The following ITSN1 variants were observed in gnomAD, a reference collection of about 807,000 sequenced individuals.
ITSN1 encodes intersectin 1, also known as intersectin-1.
Under a neutral mutation model 239.8 loss-of-function variants are expected in ITSN1, and 58 were observed. The observed-to-expected ratio is 0.24, with a 90% CI of 0.20 to 0.30. ITSN1 has a LOEUF of 0.30. ITSN1 is among the 10% of genes least tolerant of loss of function. ITSN1 has a pLI of 1.00. For synonymous variants in ITSN1, 780 were observed against 770.8 expected, an observed-to-expected ratio of 1.01 and a Z score of -0.20; for missense variants, 1,558 against 2,103.3, an observed-to-expected ratio of 0.74 and a Z score of 5.07.
At chr21:33,713,590 A>G (rs1188956309) in intron 1 of ITSN1, among the ~76,000 whole-genome samples, 1 of 152,098 alleles carries the variant, frequency 6.6e-6, no homozygotes, top group Non-Finnish European at 1.5e-5. Context: ...AAATTGTAGT[A>G]ATTCATACAG....
chr21:33,682,774 G>C (rs565068290), intron 1 of ITSN1, among the ~76,000 whole-genome samples: 1 of 151,974 alleles, frequency 6.6e-6, no homozygotes, highest in Non-Finnish European at 1.5e-5. Context: ...CACTCACCTC[G>C]GCTGCCCAAA....
In ITSN1 at chr21:33,865,508, C is replaced by T. The variant is rs1046828497; in HGVS notation, c.4074+174C>T. 1.3e-5 allele frequency among the ~76,000 whole-genome samples: 2 copies of T among 152,166 alleles called. No individual in the cohort carries two copies. The highest frequency in any genetic ancestry group is 4.8e-5 in the African/African-American group (2 of 41,430). ...CACTCACTGGCAAGTGTGGCTGTCA[C>T]CAAAGGGGTGGGCTTGGAGAGGAGG... On this transcript the variant is annotated intron_variant, in intron 32 of 39. Coordinates refer to ENST00000381318, the MANE Select transcript of ITSN1 (RefSeq NM_003024.3). The surrounding 1 kb of genome is among the most constrained non-coding windows in gnomAD (Gnocchi z 4.4).
chr21:33,870,174 C>A (rs1449317409), intron 33 of ITSN1, among the ~76,000 whole-genome samples: 2 of 152,196 alleles, frequency 1.3e-5, no homozygotes, highest in Non-Finnish European at 2.9e-5. Context: ...GAGTTAAATA[C>A]TTAGTTTTGA....
chr21:33,770,189 G>A (rs964984879), intron 11 of ITSN1, among the ~76,000 whole-genome samples: 2 of 151,494 alleles, frequency 1.3e-5, no homozygotes, highest in African/African-American at 2.4e-5. Context: ...TCAGCCTCCC[G>A]AGTAGCTGGG....
intron 4 of ITSN1, among the ~76,000 whole-genome samples, chr21:33,732,508 AAAC>A (rs1229152687): frequency 2.0e-5 from 3 of 152,212 alleles, no homozygotes; most frequent in African/African-American, 7.2e-5. Flanking sequence ...GAACTCTATT[AAAC>A]TATTAGCTCT....
rs150191551 is a variant in ITSN1, at chr21:33,750,157, G to A, written c.361G>A (p.Ala121Thr). The A allele has an allele frequency of 9.7e-4, 1,569 of 1,613,856 alleles. No individual in the cohort carries two copies. The highest frequency in any genetic ancestry group is 1.2e-3 in the Non-Finnish European group (1,381 of 1,179,898). Residue 121 changes from alanine (A) to threonine (T), a missense_variant, in exon 6 of 40, where the codon GCC (alanine) becomes ACC (threonine). Ala to Thr is a moderately conservative substitution (Grantham distance 58). Transcript: ENST00000381318. ...SAPAFGMGGI[A>T]SMPPLTAVAP... ...TTTCTTCATAGGTATGGGAGGTATC[G>A]CCAGCATGCCACCGCTTACAGCTGT...
intron 1 of ITSN1, among the ~76,000 whole-genome samples, chr21:33,711,382 T>G (rs2092410269): frequency 6.6e-6 from 1 of 152,102 alleles, no homozygotes; most frequent in East Asian, 1.9e-4. Context: ...TTATTCATCC[T>G]GCCATATCAC....
chr21:33,795,596 G>C (rs1034832698), intron 17 of ITSN1, among the ~76,000 whole-genome samples: 1 of 151,910 alleles, frequency 6.6e-6, no homozygotes, highest in Non-Finnish European at 1.5e-5. Context: ...CCAGTGGGGA[G>C]GTATCTGGGG....
At chr21:33,700,435 C>G (rs139400673) in intron 1 of ITSN1, among the ~76,000 whole-genome samples, 1 of 152,254 alleles carries the variant, frequency 6.6e-6, no homozygotes, top group African/African-American at 2.4e-5. Flanking sequence ...CCTTACTCCT[C>G]TGGCCTCTAA....
At chr21:33,653,119 T>G (rs920702073) in intron 1 of ITSN1, among the ~76,000 whole-genome samples, 2 of 149,738 alleles carry the variant, frequency 1.3e-5, no homozygotes, top group Admixed American at 1.3e-4. Context: ...CTCAGCCTCC[T>G]GAGTAGCTGG....
chr21:33,857,353 C>T (rs1008198997), intron 30 of ITSN1, among the ~76,000 whole-genome samples: 14 of 152,236 alleles, frequency 9.2e-5, no homozygotes, highest in African/African-American at 3.4e-4. Flanking sequence ...CCCACAAAAG[C>T]CCCTGACCTG....
At chr21:33,674,898 T>C (rs2090502360) in intron 1 of ITSN1, among the ~76,000 whole-genome samples, 2 of 152,162 alleles carry the variant, frequency 1.3e-5, no homozygotes, top group South Asian at 4.1e-4. Context: ...AGGACTTTTG[T>C]TTTTGTTTTG....
At chr21:33,850,283 C>T (rs994729555) in intron 29 of ITSN1, among the ~76,000 whole-genome samples, 24 of 152,138 alleles carry the variant, frequency 1.6e-4, no homozygotes, top group South Asian at 2.1e-4. Context: ...GGAAGCCTCC[C>T]GAGGACCCAG....
chr21:33,650,585 T>C (rs1221372325), intron 1 of ITSN1, among the ~76,000 whole-genome samples: 1 of 152,242 alleles, frequency 6.6e-6, no homozygotes, highest in Non-Finnish European at 1.5e-5. Flanking sequence ...TCAATTCATT[T>C]CCGCTCTGAA....
At chr21:33,716,109 A>G (rs943089208) in intron 1 of ITSN1, among the ~76,000 whole-genome samples, 3 of 152,150 alleles carry the variant, frequency 2.0e-5, no homozygotes, top group Non-Finnish European at 4.4e-5. Flanking sequence ...TATGGAGATA[A>G]CAGCATGCCC....
chr21:33,722,547 T>G (rs757484392), intron 3 of ITSN1, 41 bp from the exon 4 acceptor site: 391 of 1,485,786 alleles, frequency 2.6e-4, no homozygotes, highest in Middle Eastern at 2.0e-4. Context: ...AGCTGTTGTT[T>G]TTTTTTTTTT....
intron 5 of ITSN1, among the ~76,000 whole-genome samples, chr21:33,749,203 T>TTGAGGGCAG (rs2067387137): frequency 6.6e-6 from 1 of 152,130 alleles, no homozygotes; most frequent in African/African-American, 2.4e-5. Flanking sequence ...TTGCCCTGTC[T>TTGAGGGCAG]GGTTTTGGAC....
intron 22 of ITSN1, chr21:33,817,462 A>G: frequency 1.5e-6 from 2 of 1,304,448 alleles, no homozygotes; most frequent in Non-Finnish European, 1.0e-6. Flanking sequence ...CCCAGGCAGA[A>G]TTCATCCCTG....
At chr21:33,749,268 GC>G (rs1410589130) in intron 5 of ITSN1, among the ~76,000 whole-genome samples, 2 of 152,058 alleles carry the variant, frequency 1.3e-5, no homozygotes, top group Non-Finnish European at 2.9e-5. Context: ...GAGTTTACAG[GC>G]ATAAGCCACT....
Sources: allele counts gnomAD v4.1 joint callset (sites outside exome capture counted in the v4.1 genomes callset), GRCh38; gene constraint gnomAD v4.1.1; non-coding constraint Gnocchi (gnomAD v3.1); transcripts MANE v1.5; gene names NCBI Gene and HGNC (gene_info 2026-07-23, HGNC 2026-07-21).